Variants in KIAA1217 observed in about 807,000 individuals in gnomAD.
The protein encoded by KIAA1217 is sickle tail protein homolog.
Under a neutral mutation model 163.9 loss-of-function variants are expected in KIAA1217, and 88 were observed. The ratio of observed to expected loss-of-function variants is 0.54; its 90% CI spans 0.45 to 0.64. KIAA1217 has a LOEUF of 0.64. Among genes scored for constraint, KIAA1217 ranks in the 30% least tolerant of loss-of-function variants. The probability of loss-of-function intolerance (pLI) is 0.00; values close to 1 mark genes in which losing one functional copy is unlikely to be tolerated. For missense variants in KIAA1217, 2,372 were observed against 2,475.0 expected, an observed-to-expected ratio of 0.96 and a Z score of 0.88; for synonymous variants, 903 against 923.1, an observed-to-expected ratio of 0.98 and a Z score of 0.39.
chr10:24,319,501 T>G (rs1371780328), intron 2 of KIAA1217, among the ~76,000 whole-genome samples: 2 of 151,404 alleles, frequency 1.3e-5, no homozygotes, highest in African/African-American at 4.9e-5. Flanking sequence ...AAAATATGAT[T>G]ACACCTAAGA....
intron 2 of KIAA1217, among the ~76,000 whole-genome samples, chr10:24,268,668 A>G (rs1564375232): frequency 1.2e-5 from 1 of 84,828 alleles, no homozygotes; most frequent in Admixed American, 1.5e-4. Context: ...TCAGGGATCT[A>G]GAACTAGAAA....
At chr10:24,326,133 C>T (rs1045474384) in intron 2 of KIAA1217, among the ~76,000 whole-genome samples, 5 of 152,126 alleles carry the variant, frequency 3.3e-5, no homozygotes, top group African/African-American at 1.2e-4. Flanking sequence ...AACTTTACTT[C>T]ATTTCCAGTT....
chr10:24,213,385 T>G (rs1385179472), intron 1 of KIAA1217, among the ~76,000 whole-genome samples: 3 of 152,302 alleles, frequency 2.0e-5, no homozygotes, highest in East Asian at 3.9e-4. Flanking sequence ...GAAGTGCTAT[T>G]AGCCCACCTG....
At chr10:23,994,165 G>A (rs1846358702) in intron 1 of KIAA1217, among the ~76,000 whole-genome samples, 1 of 152,138 alleles carries the variant, frequency 6.6e-6, no homozygotes, top group African/African-American at 2.4e-5. Context: ...TCCTGACCTG[G>A]CTTAGAAAAA....
chr10:23,817,436 C>T (rs948672556), intron 1 of KIAA1217, among the ~76,000 whole-genome samples: 2 of 152,116 alleles, frequency 1.3e-5, no homozygotes, highest in African/African-American at 2.4e-5. Context: ...AATCCTGGAA[C>T]GTTTGAGCTG....
rs555547283 is a variant in KIAA1217 at position 24,330,260 on chromosome 10, A to G, written c.355-50609A>G. ...GGTTGCAGTAAGCCAAGCCCACACC[A>G]CTGCACTCCAGCCTAGGTAACTAGA... On this transcript the variant is annotated intron_variant, in intron 2 of 20. Transcript: ENST00000376454. Among the ~76,000 whole-genome samples the G allele has an allele frequency of 6.8e-3, 1,020 of 150,832 alleles. 10 individuals are homozygous for G. Among genetic ancestry groups the G allele is most frequent in the Non-Finnish European group, 0.011 (724 of 67,832 alleles).
In KIAA1217 at chr10:24,264,196, G is replaced by C. The variant is rs547739599; in HGVS notation, c.354+44287G>C. Reference sequence around the variant, plus strand: ...TAAATCCATACAACGAGTACAGCGGGACTTTTCTTTCTGTGTTTTGTGGCA... The same window carrying C: ...TAAATCCATACAACGAGTACAGCGGCACTTTTCTTTCTGTGTTTTGTGGCA... On this transcript the variant is annotated intron_variant, in intron 2 of 20. Coordinates refer to ENST00000376454, the MANE Select transcript of KIAA1217 (RefSeq NM_019590.5). Among the ~76,000 whole-genome samples, 5 of 152,236 alleles carry C rather than the reference G, an allele frequency of 3.3e-5. No homozygotes were observed. In the South Asian group the frequency reaches 1.0e-3, roughly 32 times the overall value.
At chr10:23,814,982 G>A (rs1295634901) in intron 1 of KIAA1217, among the ~76,000 whole-genome samples, 1 of 152,120 alleles carries the variant, frequency 6.6e-6, no homozygotes. Flanking sequence ...AAATTCCCCA[G>A]GCTTAGCACT....
chr10:23,977,278 A>G (rs1186326166), intron 1 of KIAA1217, among the ~76,000 whole-genome samples: 1 of 152,196 alleles, frequency 6.6e-6, no homozygotes, highest in Non-Finnish European at 1.5e-5. Context: ...GTTTCTTAGA[A>G]TGTCATAAAT....
chr10:23,847,237 A>G (rs12245901), intron 1 of KIAA1217, among the ~76,000 whole-genome samples: 1,957 of 152,250 alleles, frequency 0.013, 60 homozygotes, highest in African/African-American at 0.045. Flanking sequence ...TAACAGGATG[A>G]TGCCGGCCTC....
rs1271139984 is a variant in KIAA1217, at chr10:24,282,855, C to T, written c.354+62946C>T. On this transcript the variant is annotated intron_variant, in intron 2 of 20. Transcript: ENST00000376454. ...TTTTTTTTTTTTTTTTTTTTTCAGA[C>T]GGAGTTTCATTCTTGTTGCCCAGGC... Among the ~76,000 whole-genome samples, 7 of 84,986 alleles carry T rather than the reference C, an allele frequency of 8.2e-5. No homozygotes were observed. In the East Asian group the frequency reaches 1.2e-3, roughly 15 times the overall value. The allele number at this position is 84,986 out of a possible 152,430, so 55.8% of individuals were successfully genotyped here.
At chr10:23,946,489 T>C (rs1844054120) in intron 1 of KIAA1217, among the ~76,000 whole-genome samples, 2 of 152,202 alleles carry the variant, frequency 1.3e-5, no homozygotes, top group African/African-American at 4.8e-5. Context: ...ACAGCCATTC[T>C]AGAGTTTAAA....
intron 3 of KIAA1217, among the ~76,000 whole-genome samples, chr10:24,406,392 A>ACACACACACACACACACACAC: frequency 7.5e-6 from 1 of 133,808 alleles, no homozygotes; most frequent in Non-Finnish European, 1.5e-5. Flanking sequence ...TTCACACACA[A>ACACACACACACACACACACAC]ACACACACAC....
chr10:23,973,504 G>A (rs751800791), intron 1 of KIAA1217, among the ~76,000 whole-genome samples: 1 of 152,184 alleles, frequency 6.6e-6, no homozygotes, highest in Admixed American at 6.5e-5. Context: ...TTCCTGAAGT[G>A]GTTCCCAACC....
chr10:24,309,321 A>G (rs927121731), intron 2 of KIAA1217, among the ~76,000 whole-genome samples: 3 of 147,108 alleles, frequency 2.0e-5, no homozygotes, highest in African/African-American at 7.8e-5. Flanking sequence ...CCAGTAGACC[A>G]TGACAAATAG....
intron 1 of KIAA1217, among the ~76,000 whole-genome samples, chr10:23,773,155 T>C (rs895326975): frequency 1.3e-5 from 2 of 152,358 alleles, no homozygotes; most frequent in Non-Finnish European, 2.9e-5. Context: ...TTAATGATTA[T>C]CTTCATTCAT....
intron 3 of KIAA1217, among the ~76,000 whole-genome samples, chr10:24,409,330 G>T (rs1417469885): frequency 6.6e-6 from 1 of 152,182 alleles, no homozygotes; most frequent in Admixed American, 6.5e-5. Flanking sequence ...TCAAGATAAT[G>T]ATGCAGAATG....
At chr10:23,723,885 T>G (rs906997544) in intron 1 of KIAA1217, among the ~76,000 whole-genome samples, 1 of 152,152 alleles carries the variant, frequency 6.6e-6, no homozygotes, top group South Asian at 2.1e-4. Context: ...GAAAAGAGGT[T>G]TAATTGGCTC....
chr10:24,178,933 A>G (rs1310345798), intron 2 of KIAA1217, among the ~76,000 whole-genome samples: 1 of 152,284 alleles, frequency 6.6e-6, no homozygotes, highest in African/African-American at 2.4e-5. Flanking sequence ...CATAAGTCAG[A>G]TGTCACTTTT....
Sources: gnomAD v4.1 joint callset for allele counts (sites outside exome capture counted in the v4.1 genomes callset) on GRCh38, gnomAD v4.1.1 for gene constraint, MANE v1.5 for transcripts, NCBI Gene and HGNC (gene_info 2026-07-23, HGNC 2026-07-21) for gene names.